Variants in AK4 observed in about 807,000 individuals in gnomAD.
The protein encoded by AK4 is adenylate kinase 4, mitochondrial.
In AK4, 13 loss-of-function variants were observed where a neutral mutation model predicts 24.6. That is an observed-to-expected ratio of 0.53 (90% CI 0.34 to 0.84). The LOEUF (loss-of-function observed/expected upper bound fraction) is 0.84. AK4 is among the 40% of genes least tolerant of loss of function. The probability of loss-of-function intolerance (pLI) is 0.01; values close to 1 mark genes in which losing one functional copy is unlikely to be tolerated. For synonymous variants in AK4, 88 were observed against 107.0 expected (o/e 0.82, Z 1.10); for missense variants, 192 against 288.2 (o/e 0.67, Z 2.42).
chr1:65,166,141 A>C (rs1341832140), intron 1 of AK4: 1 of 152,178 alleles, frequency 6.6e-6, no homozygotes, highest in Non-Finnish European at 1.5e-5. Context: ...ATTAAACTTG[A>C]TTCCTGAGGG....
At chr1:65,209,448 A>G (rs938779891) in intron 2 of AK4, among the ~76,000 whole-genome samples, 26 of 152,222 alleles carry the variant, frequency 1.7e-4, no homozygotes, top group Non-Finnish European at 3.2e-4. Flanking sequence ...TGGAAAAATT[A>G]TAAATGCTGC....
intron 2 of AK4, among the ~76,000 whole-genome samples, chr1:65,216,369 C>T (rs527436071): frequency 1.2e-4 from 18 of 152,228 alleles, no homozygotes; most frequent in South Asian, 6.2e-4. Flanking sequence ...AGTGATCCAC[C>T]GGCCTGGGCT....
At position 65,148,371 on chromosome 1, in the gene AK4, G is replaced by A; in HGVS notation, c.-37G>A. 1 of 1,519,448 alleles carries A rather than the reference G, an allele frequency of 6.6e-7. No homozygotes were observed. The highest frequency in any genetic ancestry group is 8.8e-7 in the Non-Finnish European group (1 of 1,134,102). 94.1% of individuals were successfully genotyped at this position (1,519,448 alleles called of 1,614,324 possible). Reference sequence around the variant, plus strand: ...GGGCTTCCTCCGGGGCCGCGGTCGGGGCTGCGCGTTTGACCGCCCCCCTCC... The same window carrying A: ...GGGCTTCCTCCGGGGCCGCGGTCGGAGCTGCGCGTTTGACCGCCCCCCTCC... On this transcript the variant is annotated 5_prime_UTR_variant, in exon 1 of 5. Coordinates refer to ENST00000327299, the MANE Select transcript of AK4 (RefSeq NM_013410.4).
chr1:65,154,108 G>A (rs1458674654), intron 1 of AK4, among the ~76,000 whole-genome samples: 4 of 152,212 alleles, frequency 2.6e-5, no homozygotes, highest in African/African-American at 7.2e-5. Flanking sequence ...GCTGTGTGGA[G>A]AGGTGACTCA....
intron 1 of AK4, among the ~76,000 whole-genome samples, chr1:65,152,802 G>C (rs569607836): frequency 6.6e-6 from 1 of 152,268 alleles, no homozygotes; most frequent in East Asian, 1.9e-4. Context: ...AGATGGCCTA[G>C]TTCAGAGGGC....
intron 2 of AK4, among the ~76,000 whole-genome samples, chr1:65,205,871 A>G (rs1417603532): frequency 1.3e-5 from 2 of 152,166 alleles, no homozygotes; most frequent in East Asian, 3.9e-4. Context: ...TTTTGAGGGC[A>G]GGAGAGAATG....
At chr1:65,170,878 T>C (rs1028336038) in intron 1 of AK4, among the ~76,000 whole-genome samples, 4 of 152,174 alleles carry the variant, frequency 2.6e-5, no homozygotes, top group Non-Finnish European at 5.9e-5. Flanking sequence ...CAGCCCTCTG[T>C]TAAGGGTTTC....
intron 2 of AK4, among the ~76,000 whole-genome samples, chr1:65,196,938 A>T (rs1335070271): frequency 6.6e-6 from 1 of 152,196 alleles, no homozygotes; most frequent in Non-Finnish European, 1.5e-5. Context: ...AGCAAATCAC[A>T]TCGTACCTGG....
rs981940198 is a variant in AK4, at chr1:65,148,615, G to A, written c.145+63G>A. On this transcript the variant is annotated intron_variant, in intron 1 of 4. Transcript: ENST00000327299. ...CGTTGGGCTGGGGTGAGGCCCTGGAGGGACTGGGGCTCCCGGATCACGGCG... is the reference window on the plus strand; with the variant it reads ...CGTTGGGCTGGGGTGAGGCCCTGGAAGGACTGGGGCTCCCGGATCACGGCG... The A allele has an allele frequency of 2.7e-5, 41 of 1,493,832 alleles. No homozygotes were observed. In the African/African-American group the frequency reaches 5.1e-4, roughly 18 times the overall value. The allele number at this position is 1,493,832 out of a possible 1,614,324, so 92.5% of individuals were successfully genotyped here.
In AK4 at chr1:65,160,489, C is replaced by A. The variant is rs574254689; in HGVS notation, c.145+11937C>A. On this transcript the variant is annotated intron_variant, in intron 1 of 4. Transcript: ENST00000327299. Reference sequence around the variant, plus strand: ...ACAGGGTCTCACTTTATTGGCCAGGCTGGTTTTAAGCTCCTATACTCAAGC... The same window carrying A: ...ACAGGGTCTCACTTTATTGGCCAGGATGGTTTTAAGCTCCTATACTCAAGC... Among the ~76,000 whole-genome samples, 3 of 152,290 alleles carry A rather than the reference C, an allele frequency of 2.0e-5. 1 individual carries two copies. The South Asian group carries it at 6.2e-4, about 32-fold the overall frequency.
intron 1 of AK4, among the ~76,000 whole-genome samples, chr1:65,149,731 G>T (rs1649702327): frequency 6.6e-6 from 1 of 152,154 alleles, no homozygotes; most frequent in Non-Finnish European, 1.5e-5. Context: ...CTCTTAAGCA[G>T]ATTGAAAAAG....
chr1:65,192,077 G>C (rs537244971), intron 2 of AK4, among the ~76,000 whole-genome samples: 8 of 152,268 alleles, frequency 5.3e-5, no homozygotes, highest in Non-Finnish European at 1.2e-4. Flanking sequence ...AATTTCTCTA[G>C]ACTCTACTTT....
chr1:65,190,406 G>T (rs1312227905), intron 1 of AK4, among the ~76,000 whole-genome samples: 1 of 132,224 alleles, frequency 7.6e-6, no homozygotes, highest in East Asian at 2.7e-4. Context: ...AGAAGTACAG[G>T]CACGAGCCAC....
chr1:65,185,503 C>T (rs1047381741), intron 1 of AK4, among the ~76,000 whole-genome samples: 4 of 152,186 alleles, frequency 2.6e-5, no homozygotes, highest in African/African-American at 9.7e-5. Flanking sequence ...CCCCACATCT[C>T]TGCAACATTT....
intron 1 of AK4, among the ~76,000 whole-genome samples, chr1:65,181,306 G>T (rs935939382): frequency 6.6e-6 from 1 of 151,038 alleles, no homozygotes; most frequent in African/African-American, 2.4e-5. Context: ...ATATACTTTT[G>T]TATATGCATG....
At chr1:65,173,758 G>A (rs1650620379) in intron 1 of AK4, among the ~76,000 whole-genome samples, 1 of 152,046 alleles carries the variant, frequency 6.6e-6, no homozygotes, top group African/African-American at 2.4e-5. Flanking sequence ...AGCTGCTTAG[G>A]AGACTGAGGT....
At chr1:65,199,870 A>C (rs970776175) in intron 2 of AK4, among the ~76,000 whole-genome samples, 1 of 152,188 alleles carries the variant, frequency 6.6e-6, no homozygotes, top group Non-Finnish European at 1.5e-5. Flanking sequence ...TTTGAGGATC[A>C]AGTTGGCACT....
chr1:65,216,153 T>A (rs1005059849), intron 2 of AK4, among the ~76,000 whole-genome samples: 1 of 151,616 alleles, frequency 6.6e-6, no homozygotes, highest in African/African-American at 2.4e-5. Flanking sequence ...TTTTTTTTTT[T>A]AGACAGTCTT....
rs1002364981 is a variant in AK4, at chr1:65,228,095, T to C, written c.*1918T>C. ...ATATATAAATAAAGCTCAGGTTTGCTAGGGAACCAGGTATAGAGAAAAATA... is the reference window on the plus strand; with the variant it reads ...ATATATAAATAAAGCTCAGGTTTGCCAGGGAACCAGGTATAGAGAAAAATA... On this transcript the variant is annotated 3_prime_UTR_variant, in exon 5 of 5. Coordinates refer to ENST00000327299, the MANE Select transcript of AK4 (RefSeq NM_013410.4). The C allele has an allele frequency of 1.3e-5, 2 of 151,748 alleles. No homozygotes were observed. The highest frequency in any genetic ancestry group is 4.8e-5 in the African/African-American group (2 of 41,240). The allele number at this position is 151,748 out of a possible 1,614,324, so 9.4% of individuals were successfully genotyped here. A position where few individuals can be genotyped will look rare whatever the true frequency, so the allele number is the denominator to read the frequency against.
Sources: allele counts gnomAD v4.1 joint callset (sites outside exome capture counted in the v4.1 genomes callset), GRCh38; gene constraint gnomAD v4.1.1; transcripts MANE v1.5; gene names NCBI Gene and HGNC (gene_info 2026-07-23, HGNC 2026-07-21).